Variants in IQCM observed in about 807,000 individuals in gnomAD.
IQCM encodes IQ domain-containing protein M.
In IQCM, 45 loss-of-function variants were observed where a neutral mutation model predicts 57.6. The observed-to-expected ratio is 0.78, with a 90% CI of 0.62 to 1.00. The LOEUF (loss-of-function observed/expected upper bound fraction) is 1.00, where lower values mean the gene tolerates loss of function less well. Ranked by LOEUF, IQCM falls within the 50% of genes least tolerant of loss-of-function variation. The pLI, the probability that IQCM is intolerant of heterozygous loss-of-function variation, is 0.00. For missense variants in IQCM, 468 were observed against 511.6 expected, an observed-to-expected ratio of 0.91 and a Z score of 0.82; for synonymous variants, 148 against 158.9, an observed-to-expected ratio of 0.93 and a Z score of 0.51.
At chr4:149,548,327 CA>C (rs1748662233) in intron 12 of IQCM, 127 bp downstream of exon 12, 21 of 738,788 alleles carry the variant, frequency 2.8e-5, no homozygotes, top group Non-Finnish European at 3.7e-5. Flanking sequence ...AGCACTTACA[CA>C]AAAAGTTTAG....
At chr4:149,733,046 C>T (rs1364677328) in intron 5 of IQCM, among the ~76,000 whole-genome samples, 198 bp downstream of exon 5, 4 of 152,112 alleles carry the variant, frequency 2.6e-5, no homozygotes, top group Admixed American at 2.6e-4. Flanking sequence ...TTTCTCTTTC[C>T]CTTTAGAATG....
At chr4:149,682,756 G>T (rs575144611) in intron 6 of IQCM, among the ~76,000 whole-genome samples, 4 of 151,012 alleles carry the variant, frequency 2.6e-5, no homozygotes, top group African/African-American at 7.3e-5. Flanking sequence ...TGTTTTACCT[G>T]ATTTATTCTT....
intron 7 of IQCM, among the ~76,000 whole-genome samples, chr4:149,636,861 C>T (rs942211507): frequency 1.7e-4 from 26 of 152,090 alleles, no homozygotes; most frequent in African/African-American, 5.1e-4. Context: ...GTGAATTTAG[C>T]GGCCGGGCGC....
At chr4:149,713,706 C>T (rs916225963) in intron 5 of IQCM, among the ~76,000 whole-genome samples, 5 of 152,152 alleles carry the variant, frequency 3.3e-5, no homozygotes, top group African/African-American at 1.2e-4. Context: ...TTCCCATACA[C>T]TCCATGTGCC....
intron 2 of IQCM, among the ~76,000 whole-genome samples, chr4:149,813,081 G>C (rs1271549304): frequency 6.6e-6 from 1 of 151,842 alleles, no homozygotes; most frequent in East Asian, 1.9e-4. Flanking sequence ...CACATGATGG[G>C]GCTGGATTAA....
At chr4:149,615,507 A>G (rs1755709067) in intron 8 of IQCM, among the ~76,000 whole-genome samples, 1 of 152,196 alleles carries the variant, frequency 6.6e-6, no homozygotes, top group Non-Finnish European at 1.5e-5. Flanking sequence ...TGGAAATTCT[A>G]ATATAATTCT....
chr4:149,378,356 G>A (rs1478598159), intron 13 of IQCM, among the ~76,000 whole-genome samples: 2 of 152,256 alleles, frequency 1.3e-5, no homozygotes, highest in Admixed American at 1.3e-4. Context: ...ATAGGAAAAT[G>A]TGCGAAAGTT....
At chr4:149,601,620 C>T (rs1754300773) in intron 8 of IQCM, among the ~76,000 whole-genome samples, 1 of 152,048 alleles carries the variant, frequency 6.6e-6, no homozygotes, top group African/African-American at 2.4e-5. Context: ...GTGCTTTCAC[C>T]AAATTGTACT....
intron 12 of IQCM, among the ~76,000 whole-genome samples, chr4:149,435,927 T>A (rs1735322428): frequency 6.6e-6 from 1 of 152,134 alleles, no homozygotes; most frequent in Non-Finnish European, 1.5e-5. Context: ...TGTCAAAAAG[T>A]TACAAAGAAA....
At chr4:149,692,187 T>G (rs146219565) in intron 5 of IQCM, among the ~76,000 whole-genome samples, 2 of 152,310 alleles carry the variant, frequency 1.3e-5, no homozygotes, top group African/African-American at 4.8e-5. Context: ...AGGGAGCCTG[T>G]GCACCAAATG....
intron 7 of IQCM, among the ~76,000 whole-genome samples, chr4:149,648,237 G>A (rs889453052): frequency 3.3e-5 from 5 of 151,952 alleles, no homozygotes; most frequent in South Asian, 2.1e-4. Flanking sequence ...ATTGGTTTTT[G>A]TACCTTTTGC....
At chr4:149,543,645 G>C (rs1448653238) in intron 12 of IQCM, among the ~76,000 whole-genome samples, 5 of 151,466 alleles carry the variant, frequency 3.3e-5, no homozygotes, top group Non-Finnish European at 5.9e-5. Flanking sequence ...TGACAAGTTA[G>C]TGGGTGCAGC....
At chr4:149,663,509 T>C (rs2150159043) in intron 7 of IQCM, among the ~76,000 whole-genome samples, 1 of 152,242 alleles carries the variant, frequency 6.6e-6, no homozygotes, top group Non-Finnish European at 1.5e-5. Flanking sequence ...CTTTTGCTTG[T>C]CTGGGAAGAT....
At chr4:149,799,574 A>T (rs76032539) in intron 2 of IQCM, among the ~76,000 whole-genome samples, 3,333 of 151,892 alleles carry the variant, frequency 0.022, 64 homozygotes, top group South Asian at 0.036. Context: ...TTAAACTAAA[A>T]TGACCAACCT....
At chr4:149,798,180 AAAGTT>A (rs1268857810) in intron 2 of IQCM, among the ~76,000 whole-genome samples, 1 of 152,042 alleles carries the variant, frequency 6.6e-6, no homozygotes, top group African/African-American at 2.4e-5. Context: ...AAACAAGAAA[AAAGTT>A]AAAAAGTAGG....
intron 7 of IQCM, among the ~76,000 whole-genome samples, chr4:149,639,131 A>T (rs1191146168): frequency 6.6e-6 from 1 of 152,212 alleles, no homozygotes. Context: ...ATTTCAATCA[A>T]AAAATGAAGA....
chr4:149,481,529 A>G (rs1430055423), intron 12 of IQCM, among the ~76,000 whole-genome samples: 1 of 151,356 alleles, frequency 6.6e-6, no homozygotes, highest in Non-Finnish European at 1.5e-5. Flanking sequence ...TTCCCAGTGT[A>G]TGTTCTTGGC....
intron 8 of IQCM, among the ~76,000 whole-genome samples, chr4:149,606,676 G>T (rs1360687006): frequency 6.6e-6 from 1 of 152,038 alleles, no homozygotes; most frequent in Non-Finnish European, 1.5e-5. Context: ...CACATAGAAG[G>T]AATTTAGAAT....
At chr4:149,567,807 T>A (rs1325766614) in intron 9 of IQCM, among the ~76,000 whole-genome samples, 1 of 152,188 alleles carries the variant, frequency 6.6e-6, no homozygotes, top group East Asian at 1.9e-4. Context: ...CTTGTGTGGT[T>A]GTTATACAAA....
Sources: gnomAD v4.1 joint callset for allele counts (sites outside exome capture counted in the v4.1 genomes callset) on GRCh38, gnomAD v4.1.1 for gene constraint, MANE v1.5 for transcripts, NCBI Gene and HGNC (gene_info 2026-07-23, HGNC 2026-07-21) for gene names.